ELK3: variants seen among roughly 807,000 people sequenced by gnomAD.
ELK3 encodes the protein ETS transcription factor ELK3.
ELK3 carries 10 observed loss-of-function variants against 28.9 expected under a neutral mutation model. The ratio of observed to expected loss-of-function variants is 0.35; its 90% CI spans 0.21 to 0.59. ELK3 has a LOEUF of 0.59. ELK3 is among the 20% of genes least tolerant of loss of function. The pLI is 0.82. For synonymous variants in ELK3, 272 were observed against 243.5 expected (o/e 1.12, Z -1.09); for missense variants, 463 against 517.3 (o/e 0.90, Z 1.02).
At chr12:96,253,439 T>G (rs1256832711) in intron 3 of ELK3, among the ~76,000 whole-genome samples, 2 of 152,042 alleles carry the variant, frequency 1.3e-5, no homozygotes, top group African/African-American at 4.8e-5. Context: ...CCCATGGGAG[T>G]CTCCATTTTG....
intron 1 of ELK3, among the ~76,000 whole-genome samples, chr12:96,201,567 T>G (rs1592667525): frequency 1.9e-5 from 2 of 107,406 alleles, no homozygotes; most frequent in African/African-American, 3.9e-5. Context: ...GGTAACAGAG[T>G]GAAACCCTGT....
intron 1 of ELK3, among the ~76,000 whole-genome samples, chr12:96,209,796 T>C (rs902730794): frequency 3.3e-5 from 5 of 152,210 alleles, no homozygotes; most frequent in Non-Finnish European, 7.3e-5. Context: ...TCAAATACTT[T>C]CAAGAAGTCT....
At chr12:96,223,418 T>G in intron 1 of ELK3, 147 bp from the exon 2 acceptor site, 3 of 692,156 alleles carry the variant, frequency 4.3e-6, no homozygotes, top group Non-Finnish European at 7.3e-6. Context: ...AGTGGCCCCT[T>G]GAGATGGAAG....
Position 96,267,178 on chromosome 12 carries a change from T to C in ELK3, c.1222T>C (p.Ter408ArgextTer1). 2 of 1,611,530 alleles carry C rather than the reference T, an allele frequency of 1.2e-6. No homozygotes were observed. The highest frequency in any genetic ancestry group is 1.7e-6 in the Non-Finnish European group (2 of 1,178,780). The change falls in exon 5 of 5, where the codon TGA becomes CGA. Residue 408 changes from the stop codon to arginine (R), a stop_lost. Coordinates refer to ENST00000228741, the MANE Select transcript of ELK3 (RefSeq NM_005230.4). ...VLLSSNSQKS[*>R] ...GCTTTCTTCAAACTCTCAGAAATCCTGATGACGTCTGGCCACAATTAAGGA... is the reference window on the plus strand; with the variant it reads ...GCTTTCTTCAAACTCTCAGAAATCCCGATGACGTCTGGCCACAATTAAGGA...
intron 2 of ELK3, among the ~76,000 whole-genome samples, chr12:96,234,694 T>G (rs941434298): frequency 6.6e-6 from 1 of 152,258 alleles, no homozygotes; most frequent in African/African-American, 2.4e-5. Context: ...CAATTTGTGA[T>G]GCACCAGTGC....
At chr12:96,234,013 G>T (rs1951762052) in intron 2 of ELK3, among the ~76,000 whole-genome samples, 1 of 152,212 alleles carries the variant, frequency 6.6e-6, no homozygotes, top group African/African-American at 2.4e-5. Context: ...TCACAAGCTT[G>T]GGTCCTGGAA....
intron 2 of ELK3, among the ~76,000 whole-genome samples, chr12:96,229,696 G>A (rs1236155647): frequency 1.3e-5 from 2 of 151,920 alleles, no homozygotes; most frequent in South Asian, 4.2e-4. Flanking sequence ...CACACCTGGC[G>A]AATTTTTGTG....
intron 2 of ELK3, among the ~76,000 whole-genome samples, chr12:96,226,634 C>T (rs1210041477): frequency 6.6e-6 from 1 of 152,056 alleles, no homozygotes; most frequent in Non-Finnish European, 1.5e-5. Context: ...GCACACACAC[C>T]CACTTGCACA....
chr12:96,259,106 A>C (rs1250094015), intron 3 of ELK3, among the ~76,000 whole-genome samples: 1 of 152,246 alleles, frequency 6.6e-6, no homozygotes, highest in Non-Finnish European at 1.5e-5. Context: ...TTTGTATACT[A>C]ATCCTTGTTT....
chr12:96,255,120 G>A (rs1951938138), intron 3 of ELK3, among the ~76,000 whole-genome samples: 1 of 152,082 alleles, frequency 6.6e-6, no homozygotes, highest in African/African-American at 2.4e-5. Context: ...AGGGGTCAGA[G>A]GGATGGATCT....
chr12:96,205,757 C>G (rs1372842480), intron 1 of ELK3, among the ~76,000 whole-genome samples: 1 of 152,214 alleles, frequency 6.6e-6, no homozygotes. Flanking sequence ...GTTATCATAT[C>G]TTTGCTGCAT....
intron 2 of ELK3, among the ~76,000 whole-genome samples, chr12:96,231,381 G>A (rs572287748): frequency 1.9e-4 from 29 of 152,340 alleles, no homozygotes; most frequent in Middle Eastern, 3.4e-3. Flanking sequence ...GAAGAGCGGG[G>A]CCCATGCCCA....
At chr12:96,227,088 A>G (rs1164385393) in intron 2 of ELK3, among the ~76,000 whole-genome samples, 1 of 152,120 alleles carries the variant, frequency 6.6e-6, no homozygotes, top group Non-Finnish European at 1.5e-5. Context: ...CTCTTGCTTG[A>G]GAGACAGATT....
intron 1 of ELK3, among the ~76,000 whole-genome samples, chr12:96,206,002 G>A (rs2268509): frequency 0.53 from 80,268 of 152,020 alleles, 21,921 homozygotes; most frequent in Middle Eastern, 0.65. Flanking sequence ...CTGCTTGAAG[G>A]CATCTTGAAT....
At chr12:96,255,751 A>C (rs1951943538) in intron 3 of ELK3, among the ~76,000 whole-genome samples, 1 of 152,154 alleles carries the variant, frequency 6.6e-6, no homozygotes, top group African/African-American at 2.4e-5. Flanking sequence ...TGAAATTGCC[A>C]GGCAACTTCA....
chr12:96,236,277 G>A (rs539917860), intron 2 of ELK3, among the ~76,000 whole-genome samples: 4 of 152,310 alleles, frequency 2.6e-5, no homozygotes, highest in Non-Finnish European at 4.4e-5. Context: ...TGCTGCGAAC[G>A]TCCAGTCGAA....
At position 96,247,493 on chromosome 12, in the gene ELK3, C is replaced by G; in HGVS notation, c.761C>G (p.Ser254Cys). The G allele has an allele frequency of 6.2e-7, 1 of 1,614,124 alleles. No individual in the cohort carries two copies. The highest frequency in any genetic ancestry group is 1.1e-5 in the South Asian group (1 of 91,074). The change falls in exon 3 of 5, where the codon TCT (serine) becomes TGT (cysteine). Residue 254 changes from serine to cysteine, a missense_variant. Coordinates refer to ENST00000228741, the MANE Select transcript of ELK3 (RefSeq NM_005230.4). This position sits in a 1 kb window ranked among gnomAD's most constrained non-coding sequence, Gnocchi z 5.5. ...PSLSPNSPLP[S>C]EHRSLFLEAA... ...CTGTCCCCCAACTCACCCCTCCCTT[C>G]TGAACACAGAAGCCTCTTCCTGGAG... is the stretch of plus-strand genomic sequence containing the variant.
At chr12:96,245,522 C>G (rs1382846007) in intron 2 of ELK3, among the ~76,000 whole-genome samples, 2 of 152,178 alleles carry the variant, frequency 1.3e-5, no homozygotes, top group African/African-American at 4.8e-5. Context: ...AAGAGAGGCA[C>G]TCAATCAGAG....
intron 2 of ELK3, among the ~76,000 whole-genome samples, chr12:96,238,437 T>G (rs1234730131): frequency 6.6e-6 from 1 of 152,214 alleles, no homozygotes; most frequent in Non-Finnish European, 1.5e-5. Context: ...CCACATGACT[T>G]CTGGCCCGTC....
Sources: gnomAD v4.1 joint callset for allele counts (sites outside exome capture counted in the v4.1 genomes callset) on GRCh38, gnomAD v4.1.1 for gene constraint, Gnocchi (gnomAD v3.1) non-coding constraint, MANE v1.5 for transcripts, NCBI Gene and HGNC (gene_info 2026-07-23, HGNC 2026-07-21) for gene names.